ZPR1: variants seen among roughly 807,000 people sequenced by gnomAD.
ZPR1 encodes the protein ZPR1 zinc finger.
In ZPR1, 37 loss-of-function variants were observed where a neutral mutation model predicts 59.6. That is an observed-to-expected ratio of 0.62 (90% CI 0.48 to 0.82). The LOEUF is 0.82. Among genes scored for constraint, ZPR1 ranks in the 40% least tolerant of loss-of-function variants. ZPR1 has a pLI of 0.00. For synonymous variants in ZPR1, 191 were observed against 215.2 expected (o/e 0.89, Z 0.99); for missense variants, 527 against 579.9 (o/e 0.91, Z 0.94).
chr11:116,787,691 T>A, intron 1 of ZPR1, 48 bp from the exon 2 acceptor site: 1 of 1,584,270 alleles, frequency 6.3e-7, no homozygotes, highest in Non-Finnish European at 8.6e-7. Flanking sequence ...GAAACTCCCT[T>A]TCCCCGCCCT....
In ZPR1 at chr11:116,785,798, G is replaced by A. The variant is rs747547127; in HGVS notation, c.580C>T (p.Leu194=). Residue 194 remains leucine, a splice_region_variant and synonymous_variant, in exon 5 of 14, where the codon CTG becomes TTG. Transcript: ENST00000227322. ...ELKQVASPFT[L]IIDDPSGNSF... ...AACTCCAGCCTCTCAATACTCACCAGAGTGAAAGGGGAGGCTACTTGCTTT... is the reference window on the plus strand; with the variant it reads ...AACTCCAGCCTCTCAATACTCACCAAAGTGAAAGGGGAGGCTACTTGCTTT... The A allele has an allele frequency of 1.2e-6, 2 of 1,614,050 alleles. No individual in the cohort carries two copies. Among genetic ancestry groups the A allele is most frequent in the Admixed American group, 3.3e-5 (2 of 60,016 alleles).
At chr11:116,784,961 A>T in intron 7 of ZPR1, 40 bp from the exon 8 acceptor site, 3 of 1,612,636 alleles carry the variant, frequency 1.9e-6, no homozygotes, top group Non-Finnish European at 2.5e-6. Flanking sequence ...GCCCTCCCAG[A>T]TGGGATGTTC....
In ZPR1 at chr11:116,781,063, A is replaced by G. The variant is rs971180934; in HGVS notation, c.1179+1095T>C. 3.3e-5 allele frequency among the ~76,000 whole-genome samples: 5 copies of G among 152,150 alleles called. No homozygotes were observed. The East Asian group carries it at 5.8e-4, about 18-fold the overall frequency. On this transcript the variant is annotated intron_variant, in intron 12 of 13. Transcript: ENST00000227322. ...AGTTTTAGTGGAAATGAAAACCTCA[A>G]TTGAAGGGTTGGAAAATAAAGTTGA...
Position 116,786,577 on chromosome 11 carries a change from C to A in ZPR1, c.429G>T (p.Leu143=). ...EIPAFSQKGA[L]TTVEGLITRA... is the part of the protein sequence containing the mutation. ...GGGTGATCAATCCTTCAACAGTGGT[C>A]AGAGCTTGTGAACAAGAACAAAAGA... Residue 143 remains leucine (L), a synonymous_variant, in exon 4 of 14, where the codon CTG becomes CTT. Coordinates refer to ENST00000227322, the MANE Select transcript of ZPR1 (RefSeq NM_003904.5). 6.2e-7 allele frequency: 1 copy of A among 1,614,092 alleles called. No homozygotes were observed. The highest frequency in any genetic ancestry group is 1.1e-5 in the South Asian group (1 of 91,050).
In ZPR1 at chr11:116,775,925, C is replaced by T. The variant is rs184078452; in HGVS notation, c.*3000G>A. On this transcript the variant is annotated 3_prime_UTR_variant, in exon 14 of 14. Transcript: ENST00000227322. ...CCAAGTAGTCTTAGCCACCACTGCC[C>T]TAAATGTAAGCAGAGACACCATTTT... 2.0e-5 allele frequency: 3 copies of T among 152,650 alleles called. No individual in the cohort carries two copies. The East Asian group carries it at 5.8e-4, about 29-fold the overall frequency. 9.5% of individuals were successfully genotyped at this position (152,650 alleles called of 1,614,324 possible).
At chr11:116,784,752 G>T in intron 8 of ZPR1, 103 bp downstream of exon 8, 2 of 1,172,174 alleles carry the variant, frequency 1.7e-6, no homozygotes, top group East Asian at 2.4e-5. Flanking sequence ...CTTATCACTG[G>T]GTATAAAGCA....
chr11:116,785,669 A>G, intron 5 of ZPR1, 33 bp from the exon 6 acceptor site: 2 of 1,613,868 alleles, frequency 1.2e-6, no homozygotes, highest in Non-Finnish European at 1.7e-6. Context: ...GTCACTGCAA[A>G]AGAAAATCAT....
chr11:116,787,816 T>C lies in ZPR1; in HGVS notation c.171+4A>G. 4 of 1,553,056 alleles carry C rather than the reference T, an allele frequency of 2.6e-6. No homozygotes were observed. Among genetic ancestry groups the C allele is most frequent in the Non-Finnish European group, 3.5e-6 (4 of 1,149,932 alleles). The stretch of plus-strand genomic sequence containing the variant: ...CGCCGCTCGCGGCCGCGCCCCCGCC[T>C]CACATTGCAGTAACAGTTCATGCAT... On this transcript the variant is annotated splice_donor_region_variant and intron_variant, in intron 1 of 13. Transcript: ENST00000227322.
Position 116,773,937 on chromosome 11 carries a change from G to T in ZPR1, c.*4988C>A, listed in dbSNP as rs1029104084. On this transcript the variant is annotated 3_prime_UTR_variant, in exon 14 of 14. Transcript: ENST00000227322. ...AAGAACTGAAGCGTGGCAAGATTAA[G>T]GAAGTTGCTCAACTTCACATAGTCA... is the stretch of plus-strand genomic sequence containing the variant. 6.6e-6 allele frequency: 1 copy of T among 152,188 alleles called. No homozygotes were observed. The highest frequency in any genetic ancestry group is 1.5e-5 in the Non-Finnish European group (1 of 68,028). The allele number at this position is 152,188 out of a possible 1,614,324, so 9.4% of individuals were successfully genotyped here.
rs767475030 is a variant in ZPR1 at position 116,785,685 on chromosome 11, A to G, written c.583-49T>C. 3.2e-5 allele frequency: 52 copies of G among 1,613,590 alleles called. No individual in the cohort carries two copies. In the Middle Eastern group the frequency reaches 4.9e-4, roughly 15 times the overall value. ...TCACTGCAAAAGAAAATCATAAACA[A>G]TCCTACATCACCTACTATCAGACCA... On this transcript the variant is annotated intron_variant, in intron 5 of 13. Transcript: ENST00000227322.
At chr11:116,779,096 C>T in intron 13 of ZPR1, 37 bp from the exon 14 acceptor site, 1 of 1,608,252 alleles carries the variant, frequency 6.2e-7, no homozygotes, top group Non-Finnish European at 8.5e-7. Context: ...TGCCGCTGTG[C>T]CACTCCCCCT....
rs34023695 is a variant in ZPR1 at position 116,779,738 on chromosome 11, ATC to A, written c.1245+32_1245+33del. The A allele has an allele frequency of 9.3e-3, 13,770 of 1,475,778 alleles. 912 individuals are homozygous for A. In the African/African-American group the frequency reaches 0.16, roughly 17 times the overall value. 91.4% of individuals were successfully genotyped at this position (1,475,778 alleles called of 1,614,324 possible). A position where few individuals can be genotyped will look rare whatever the true frequency, so the allele number is the denominator to read the frequency against. On this transcript the variant is annotated intron_variant, in intron 13 of 13. Transcript: ENST00000227322. ...ATATTCAAGGAAGATCAGAAAATGT[ATC>A]TCTATGAAACATCAGGGAAGGTCTA...
chr11:116,787,970 C>T lies in ZPR1; in HGVS notation c.21G>A (p.Val7=). Residue 7 remains valine (V), a synonymous_variant, in exon 1 of 14, where the codon GTG becomes GTA. Transcript: ENST00000227322. MAASGA[V]EPGPPGAAVA... is the part of the protein sequence containing the mutation. ...CGGCAGCCCCCGGGGGCCCTGGTTCCACAGCCCCGCTGGCCGCCATGGCCA... is the reference window on the plus strand; with the variant it reads ...CGGCAGCCCCCGGGGGCCCTGGTTCTACAGCCCCGCTGGCCGCCATGGCCA... 1 of 1,443,280 alleles carries T rather than the reference C, an allele frequency of 6.9e-7. No individual in the cohort carries two copies. The highest frequency in any genetic ancestry group is 9.0e-7 in the Non-Finnish European group (1 of 1,110,622). The allele number at this position is 1,443,280 out of a possible 1,614,324, so 89.4% of individuals were successfully genotyped here.
At chr11:116,786,759 A>G (rs1565322566) in intron 3 of ZPR1, among the ~76,000 whole-genome samples, 178 bp from the exon 4 acceptor site, 1 of 152,212 alleles carries the variant, frequency 6.6e-6, no homozygotes, top group Non-Finnish European at 1.5e-5. Context: ...AAATTCTACA[A>G]TAAACACACT....
In ZPR1 at chr11:116,788,017, G is replaced by A. The variant is rs1404555886; in HGVS notation, c.-27C>T. ...GCCACCACGCGCAATTCAGACCTCGGCTTCCTACTTCCGCCGCTCTCGCGG... is the reference window on the plus strand; with the variant it reads ...GCCACCACGCGCAATTCAGACCTCGACTTCCTACTTCCGCCGCTCTCGCGG... On this transcript the variant is annotated 5_prime_UTR_variant, in exon 1 of 14. Transcript: ENST00000227322. The A allele has an allele frequency of 1.4e-6, 2 of 1,411,036 alleles. No homozygotes were observed. The highest frequency in any genetic ancestry group is 1.8e-6 in the Non-Finnish European group (2 of 1,090,720). 87.4% of individuals were successfully genotyped at this position (1,411,036 alleles called of 1,614,324 possible). A position where few individuals can be genotyped will look rare whatever the true frequency, so the allele number is the denominator to read the frequency against.
chr11:116,785,706 G>GACCA, intron 5 of ZPR1, 70 bp from the exon 6 acceptor site: 1 of 1,612,932 alleles, frequency 6.2e-7, no homozygotes, highest in Non-Finnish European at 8.5e-7. Context: ...CCTACTATCA[G>GACCA]ACCACGCAGG....
chr11:116,777,329 T>G lies in ZPR1; in HGVS notation c.*1596A>C, dbSNP rs1186281195. The G allele has an allele frequency of 6.6e-6, 1 of 152,240 alleles. No homozygotes were observed. The highest frequency in any genetic ancestry group is 1.5e-5 in the Non-Finnish European group (1 of 68,036). 9.4% of individuals were successfully genotyped at this position (152,240 alleles called of 1,614,324 possible). On this transcript the variant is annotated 3_prime_UTR_variant, in exon 14 of 14. Coordinates refer to ENST00000227322, the MANE Select transcript of ZPR1 (RefSeq NM_003904.5). ...TAACAGAGCAACGAGAGTAGATGTC[T>G]GATTGCTAAATCATCTCTAACTCAT...
intron 6 of ZPR1, among the ~76,000 whole-genome samples, 167 bp downstream of exon 6, chr11:116,785,347 T>C (rs1041960198): frequency 6.6e-6 from 1 of 152,172 alleles, no homozygotes; most frequent in Non-Finnish European, 1.5e-5. Context: ...ACTGCCATCC[T>C]TTCTGTGAAG....
At chr11:116,782,057 A>G in intron 12 of ZPR1, 101 bp downstream of exon 12, 1 of 807,454 alleles carries the variant, frequency 1.2e-6, no homozygotes, top group Non-Finnish European at 2.0e-6. Context: ...AATCCCCAAC[A>G]TGATGGTTAG....
Sources: allele counts gnomAD v4.1 joint callset (sites outside exome capture counted in the v4.1 genomes callset), GRCh38; gene constraint gnomAD v4.1.1; transcripts MANE v1.5; gene names NCBI Gene and HGNC (gene_info 2026-07-23, HGNC 2026-07-21).